Variants in RBFOX1 observed in about 807,000 individuals in gnomAD.
RBFOX1 encodes RNA binding fox-1 homolog 1.
RBFOX1 carries 8 observed loss-of-function variants against 57.7 expected under a neutral mutation model. The observed-to-expected ratio is 0.14, with a 90% CI of 0.08 to 0.25. The LOEUF is 0.25. Ranked by LOEUF, RBFOX1 falls within the 10% of genes least tolerant of loss-of-function variation. The probability of loss-of-function intolerance (pLI) is 1.00; values close to 1 mark genes in which losing one functional copy is unlikely to be tolerated. For missense variants in RBFOX1, 611 were observed against 548.5 expected, an observed-to-expected ratio of 1.11 and a Z score of -1.14; for synonymous variants, 326 against 222.4, an observed-to-expected ratio of 1.47 and a Z score of -4.15.
intron 3 of RBFOX1, among the ~76,000 whole-genome samples, chr16:6,962,138 T>C (rs2083152052): frequency 6.6e-6 from 1 of 152,208 alleles, no homozygotes; most frequent in African/African-American, 2.4e-5. Flanking sequence ...TCTGAAGTCT[T>C]GATAGGAGAA....
At chr16:6,424,116 A>G (rs1295575745) in intron 2 of RBFOX1, among the ~76,000 whole-genome samples, 1 of 152,150 alleles carries the variant, frequency 6.6e-6, no homozygotes, top group African/African-American at 2.4e-5. Flanking sequence ...GCATGTGCCT[A>G]TAATCCCAGC....
At chr16:6,962,066 C>T (rs1395777904) in intron 3 of RBFOX1, among the ~76,000 whole-genome samples, 3 of 152,278 alleles carry the variant, frequency 2.0e-5, no homozygotes, top group Admixed American at 2.0e-4. Context: ...AGGCCTCTGA[C>T]ACTTTCATGA....
intron 4 of RBFOX1, among the ~76,000 whole-genome samples, chr16:7,496,519 GTC>G: frequency 6.6e-6 from 1 of 152,252 alleles, no homozygotes; most frequent in South Asian, 2.1e-4. Context: ...GGTAATAGAT[GTC>G]AGTCACTTAG....
At chr16:6,634,554 TA>T (rs1265422854) in intron 2 of RBFOX1, among the ~76,000 whole-genome samples, 1 of 147,942 alleles carries the variant, frequency 6.8e-6, no homozygotes, top group African/African-American at 2.5e-5. Context: ...AATTTAAATA[TA>T]AAAGTATATT....
intron 1 of RBFOX1, among the ~76,000 whole-genome samples, chr16:6,068,377 G>C (rs1231785665): frequency 6.6e-6 from 1 of 152,184 alleles, no homozygotes; most frequent in Non-Finnish European, 1.5e-5. Context: ...AGCTGAGAGA[G>C]CCAGTGCCTT....
chr16:5,875,554 A>G (rs866152424), intron 4 of RBFOX1, among the ~76,000 whole-genome samples: 8 of 152,222 alleles, frequency 5.3e-5, no homozygotes, highest in Non-Finnish European at 1.2e-4. Context: ...TTTGGTGCGT[A>G]AGTAGTCCAT....
Position 6,123,261 on chromosome 16 carries a change from T to C in RBFOX1, c.-127+103269T>C, listed in dbSNP as rs201811709. Reference sequence around the variant, plus strand: ...AAGGTGGAAACAACCCAAATGTCCATCCATGGATGAATGAATAAATAAGAT... The same window carrying C: ...AAGGTGGAAACAACCCAAATGTCCACCCATGGATGAATGAATAAATAAGAT... On this transcript the variant is annotated intron_variant, in intron 1 of 15. Coordinates refer to ENST00000550418, the MANE Select transcript of RBFOX1 (RefSeq NM_018723.4). Among the ~76,000 whole-genome samples the C allele has an allele frequency of 3.3e-5, 5 of 152,306 alleles. No homozygotes were observed. In the East Asian group the frequency reaches 7.7e-4, roughly 24 times the overall value.
In RBFOX1 at chr16:6,398,044, C is replaced by G. The variant is rs552349080; in HGVS notation, c.-64+80987C>G. 3.9e-5 allele frequency among the ~76,000 whole-genome samples: 6 copies of G among 152,248 alleles called. No homozygotes were observed. The South Asian group carries it at 1.0e-3, about 26-fold the overall frequency. Reference sequence around the variant, plus strand: ...ACCATAAACATAAGTCCAACTATGTCAGGAAACTTACAATTATGGCAGAAG... The same window carrying G: ...ACCATAAACATAAGTCCAACTATGTGAGGAAACTTACAATTATGGCAGAAG... On this transcript the variant is annotated intron_variant, in intron 2 of 15. Transcript: ENST00000550418.
chr16:7,041,540 G>C (rs1050483334), intron 3 of RBFOX1, among the ~76,000 whole-genome samples: 2 of 152,158 alleles, frequency 1.3e-5, no homozygotes, highest in Non-Finnish European at 2.9e-5. Flanking sequence ...CTCTGGTAAA[G>C]TGATTCCTAG....
At chr16:5,303,951 A>G (rs1402989066) in intron 1 of RBFOX1, among the ~76,000 whole-genome samples, 1 of 152,182 alleles carries the variant, frequency 6.6e-6, no homozygotes, top group African/African-American at 2.4e-5. Context: ...CCATAAATAC[A>G]AAACAGGAAA....
intron 4 of RBFOX1, among the ~76,000 whole-genome samples, chr16:7,262,285 CTG>C (rs1261393086): frequency 1.3e-5 from 2 of 148,630 alleles, no homozygotes; most frequent in Non-Finnish European, 3.0e-5. Context: ...TTCTAATATT[CTG>C]TCTTTTCCTG....
At chr16:7,412,019 G>A (rs35439617) in intron 4 of RBFOX1, among the ~76,000 whole-genome samples, 23,366 of 151,822 alleles carry the variant, frequency 0.15, 3,184 homozygotes, top group African/African-American at 0.36. Flanking sequence ...GGATCCTGGA[G>A]CCGAAAAAGG....
At chr16:6,667,530 A>G (rs543359490) in intron 3 of RBFOX1, among the ~76,000 whole-genome samples, 19 of 152,218 alleles carry the variant, frequency 1.2e-4, no homozygotes, top group South Asian at 2.1e-4. Context: ...ATGGGACTCA[A>G]TGAGCTCTTA....
intron 14 of RBFOX1, among the ~76,000 whole-genome samples, chr16:7,703,371 T>A (rs1203409706): frequency 6.6e-6 from 1 of 152,158 alleles, no homozygotes; most frequent in Non-Finnish European, 1.5e-5. Context: ...GTTTAGGATG[T>A]CTTTGCTACC....
intron 3 of RBFOX1, among the ~76,000 whole-genome samples, chr16:5,810,758 C>T (rs1368523667): frequency 6.6e-6 from 1 of 152,174 alleles, no homozygotes; most frequent in East Asian, 1.9e-4. Flanking sequence ...CACTACTGAG[C>T]CTCCTGCTTT....
intron 1 of RBFOX1, among the ~76,000 whole-genome samples, chr16:6,133,855 A>C (rs954198792): frequency 4.6e-5 from 7 of 152,118 alleles, no homozygotes; most frequent in African/African-American, 1.7e-4. Flanking sequence ...ACGTTTGCTT[A>C]CCTAGTCTAC....
chr16:5,948,384 T>G (rs1400162930), intron 4 of RBFOX1, among the ~76,000 whole-genome samples: 1 of 152,184 alleles, frequency 6.6e-6, no homozygotes, highest in African/African-American at 2.4e-5. Context: ...GTGGGGACAT[T>G]GATTTCTCAG....
At chr16:7,079,889 G>C (rs879273437) in intron 4 of RBFOX1, among the ~76,000 whole-genome samples, 1 of 151,846 alleles carries the variant, frequency 6.6e-6, no homozygotes, top group East Asian at 1.9e-4. Flanking sequence ...AGTTTTGCAA[G>C]ATAAGAAAAA....
At chr16:7,005,524 A>G (rs556870343) in intron 3 of RBFOX1, among the ~76,000 whole-genome samples, 3 of 152,222 alleles carry the variant, frequency 2.0e-5, no homozygotes, top group African/African-American at 4.8e-5. Context: ...TGGTACAATG[A>G]TAAGTGTTCT....
Sources: gnomAD v4.1 joint callset for allele counts (sites outside exome capture counted in the v4.1 genomes callset) on GRCh38, gnomAD v4.1.1 for gene constraint, MANE v1.5 for transcripts, NCBI Gene and HGNC (gene_info 2026-07-23, HGNC 2026-07-21) for gene names.